Variants in NEURL1 observed in about 807,000 individuals in gnomAD.
NEURL1 encodes the protein E3 ubiquitin-protein ligase NEURL1.
Under a neutral mutation model 41.2 loss-of-function variants are expected in NEURL1, and 26 were observed. That is an observed-to-expected ratio of 0.63 (90% CI 0.46 to 0.87). NEURL1 has a LOEUF of 0.87. Ranked by LOEUF, NEURL1 falls within the 40% of genes least tolerant of loss-of-function variation. The probability of loss-of-function intolerance (pLI) is 0.00; values close to 1 mark genes in which losing one functional copy is unlikely to be tolerated. For missense variants in NEURL1, 761 were observed against 871.1 expected, an observed-to-expected ratio of 0.87 and a Z score of 1.59; for synonymous variants, 400 against 402.3, an observed-to-expected ratio of 0.99 and a Z score of 0.07.
At chr10:103,513,293 G>T (rs2034117392) in intron 1 of NEURL1, among the ~76,000 whole-genome samples, 1 of 152,240 alleles carries the variant, frequency 6.6e-6, no homozygotes, top group Admixed American at 6.5e-5. Context: ...GGTCTGTTTA[G>T]TCTTGTCCAG....
chr10:103,526,664 A>T (rs2034465538), intron 1 of NEURL1, among the ~76,000 whole-genome samples: 2 of 152,050 alleles, frequency 1.3e-5, no homozygotes, highest in South Asian at 2.1e-4. Flanking sequence ...GGTGCGTACC[A>T]CCATGCCCGG....
intron 1 of NEURL1, among the ~76,000 whole-genome samples, chr10:103,517,915 C>T (rs1247885140): frequency 1.3e-5 from 2 of 152,208 alleles, no homozygotes; most frequent in Non-Finnish European, 2.9e-5. Flanking sequence ...TGGGCCTCAC[C>T]GCAGTGTGCC....
intron 1 of NEURL1, among the ~76,000 whole-genome samples, chr10:103,519,694 C>G (rs942490823): frequency 6.6e-6 from 1 of 152,162 alleles, no homozygotes; most frequent in African/African-American, 2.4e-5. Flanking sequence ...GGCCACCTGT[C>G]CTGGACATCA....
At chr10:103,536,991 A>G (rs2034706387) in intron 1 of NEURL1, among the ~76,000 whole-genome samples, 1 of 152,188 alleles carries the variant, frequency 6.6e-6, no homozygotes, top group East Asian at 1.9e-4. Context: ...TACTCTAGGT[A>G]TCTCAGATAA....
intron 3 of NEURL1, among the ~76,000 whole-genome samples, chr10:103,573,551 C>T (rs750300190): frequency 1.3e-5 from 2 of 152,186 alleles, no homozygotes; most frequent in Admixed American, 6.5e-5. Context: ...TGGTGCTGCT[C>T]TGGTATCCTC....
chr10:103,547,943 C>T (rs922297890), intron 1 of NEURL1, among the ~76,000 whole-genome samples: 2 of 152,114 alleles, frequency 1.3e-5, no homozygotes, highest in Non-Finnish European at 2.9e-5. Context: ...CATTTCTCTG[C>T]GTCTCTTCTC....
intron 1 of NEURL1, among the ~76,000 whole-genome samples, chr10:103,534,216 A>T (rs1554891952): frequency 2.1e-5 from 3 of 141,096 alleles, no homozygotes; most frequent in African/African-American, 5.3e-5. Context: ...TTTCCTTAAG[A>T]TCTCTTTTTG....
intron 1 of NEURL1, among the ~76,000 whole-genome samples, chr10:103,552,978 G>C (rs2035066090): frequency 6.6e-6 from 1 of 152,228 alleles, no homozygotes; most frequent in Admixed American, 6.5e-5. Context: ...GGCATTCCAA[G>C]TGAGGAGAAG....
intron 1 of NEURL1, among the ~76,000 whole-genome samples, chr10:103,499,578 C>T (rs1451557884): frequency 6.6e-6 from 1 of 152,010 alleles, no homozygotes; most frequent in Non-Finnish European, 1.5e-5. Context: ...GATCCTCCTG[C>T]CTCAGCCTCC....
At chr10:103,495,835 C>T (rs889135793) in intron 1 of NEURL1, among the ~76,000 whole-genome samples, 2 of 152,146 alleles carry the variant, frequency 1.3e-5, no homozygotes, top group African/African-American at 4.8e-5. Flanking sequence ...TGGCAGGGTG[C>T]GGTGGCTCAC....
chr10:103,494,773 G>T (rs377010135), intron 1 of NEURL1: 395 of 358,934 alleles, frequency 1.1e-3, no homozygotes, highest in Non-Finnish European at 1.7e-3. Flanking sequence ...AGGTCGATAG[G>T]GGAGTGGGGA....
chr10:103,509,943 T>A (rs2133848863), intron 1 of NEURL1, among the ~76,000 whole-genome samples: 1 of 152,232 alleles, frequency 6.6e-6, no homozygotes, highest in Non-Finnish European at 1.5e-5. Context: ...AGTCTTGTGG[T>A]CAAGAGTCCA....
At chr10:103,550,247 G>A (rs2035006353) in intron 1 of NEURL1, among the ~76,000 whole-genome samples, 1 of 152,194 alleles carries the variant, frequency 6.6e-6, no homozygotes, top group Non-Finnish European at 1.5e-5. Flanking sequence ...GCACCCAAGG[G>A]AAGAGGAGCT....
chr10:103,506,564 CT>C lies in NEURL1; in HGVS notation c.85+12105del, dbSNP rs377578071. 1.7e-3 allele frequency among the ~76,000 whole-genome samples: 247 copies of C among 144,676 alleles called. 2 individuals carry two copies. Among genetic ancestry groups the C allele is most frequent in the South Asian group, 7.9e-3 (36 of 4,548 alleles). The allele number at this position is 144,676 out of a possible 152,430, so 94.9% of individuals were successfully genotyped here. On this transcript the variant is annotated intron_variant, in intron 1 of 5. Coordinates refer to ENST00000369780, the MANE Select transcript of NEURL1 (RefSeq NM_004210.5). ...CCTCCTCCTTCACGTCTGCTGTCTGCTTTTTTTTTTTTTGAGACGGAGTCTC... is the reference window on the plus strand; with the variant it reads ...CCTCCTCCTTCACGTCTGCTGTCTGCTTTTTTTTTTTTGAGACGGAGTCTC...
At chr10:103,519,630 C>A (rs954316330) in intron 1 of NEURL1, among the ~76,000 whole-genome samples, 3 of 152,148 alleles carry the variant, frequency 2.0e-5, no homozygotes, top group African/African-American at 7.2e-5. Flanking sequence ...GATTAAGGAA[C>A]CCCTTAAGGG....
intron 1 of NEURL1, chr10:103,555,417 A>C (rs2035129229): frequency 1.5e-6 from 2 of 1,357,998 alleles, no homozygotes; most frequent in Non-Finnish European, 2.0e-6. Context: ...CTCCACGGTA[A>C]GGCCCCGCGG....
At chr10:103,554,668 T>C (rs780737406) in intron 1 of NEURL1, among the ~76,000 whole-genome samples, 29 of 152,200 alleles carry the variant, frequency 1.9e-4, no homozygotes, top group Non-Finnish European at 2.9e-4. Flanking sequence ...ATAATGACTG[T>C]AATACTGACC....
intron 1 of NEURL1, among the ~76,000 whole-genome samples, chr10:103,498,728 G>A (rs75844976): frequency 2.0e-5 from 3 of 152,134 alleles, no homozygotes; most frequent in Non-Finnish European, 4.4e-5. Flanking sequence ...TGGAAACCAC[G>A]AATCTACTCT....
chr10:103,525,335 T>C lies in NEURL1; in HGVS notation c.85+30863T>C, dbSNP rs182634238. On this transcript the variant is annotated intron_variant, in intron 1 of 5. Coordinates refer to ENST00000369780, the MANE Select transcript of NEURL1 (RefSeq NM_004210.5). ...CTCAGAGTTTTTTTGGTGGAGTTTT[T>C]TTTCTTTCTTTCTTTCTTTTTTCTT... Among the ~76,000 whole-genome samples the C allele has an allele frequency of 1.5e-3, 219 of 146,918 alleles. 1 individual carries two copies. Among genetic ancestry groups the C allele is most frequent in the African/African-American group, 5.1e-3 (206 of 40,248 alleles).
Sources: allele counts gnomAD v4.1 joint callset (sites outside exome capture counted in the v4.1 genomes callset), GRCh38; gene constraint gnomAD v4.1.1; transcripts MANE v1.5; gene names NCBI Gene and HGNC (gene_info 2026-07-23, HGNC 2026-07-21).